The following DENND4C variants were observed in gnomAD, a reference collection of about 807,000 sequenced individuals.
The protein encoded by DENND4C is DENN domain-containing protein 4C.
DENND4C carries 108 observed loss-of-function variants against 203.0 expected under a neutral mutation model. The observed-to-expected ratio is 0.53, with a 90% CI of 0.46 to 0.62. The LOEUF (loss-of-function observed/expected upper bound fraction) is 0.62, where lower values mean the gene tolerates loss of function less well. DENND4C is among the 20% of genes least tolerant of loss of function. The probability of loss-of-function intolerance (pLI) is 0.00; values close to 1 mark genes in which losing one functional copy is unlikely to be tolerated. For synonymous variants in DENND4C, 871 were observed against 792.4 expected, an observed-to-expected ratio of 1.10 and a Z score of -1.67; for missense variants, 2,481 against 2,301.2, an observed-to-expected ratio of 1.08 and a Z score of -1.60.
At chr9:19,284,661 CAG>C (rs1165698221) in intron 2 of DENND4C, among the ~76,000 whole-genome samples, 3 of 151,908 alleles carry the variant, frequency 2.0e-5, no homozygotes, top group Admixed American at 2.0e-4. Context: ...AATGGTGTAT[CAG>C]AGTAATTTCA....
At chr9:19,306,497 A>G (rs1177681994) in intron 10 of DENND4C, among the ~76,000 whole-genome samples, 1 of 152,172 alleles carries the variant, frequency 6.6e-6, no homozygotes, top group African/African-American at 2.4e-5. Flanking sequence ...AGTTTTTTGT[A>G]GCACACATTT....
intron 12 of DENND4C, among the ~76,000 whole-genome samples, chr9:19,322,380 A>T (rs1489733332): frequency 2.6e-5 from 4 of 152,208 alleles, no homozygotes; most frequent in Non-Finnish European, 4.4e-5. Context: ...GAGTATTGAC[A>T]AAACAGTAAT....
chr9:19,278,415 T>C (rs1235371381), intron 2 of DENND4C, among the ~76,000 whole-genome samples: 1 of 152,008 alleles, frequency 6.6e-6, no homozygotes, highest in African/African-American at 2.4e-5. Context: ...AAGCGTGAGT[T>C]ACCACACCTG....
At chr9:19,232,781 C>T (rs1820899616) in intron 1 of DENND4C, among the ~76,000 whole-genome samples, 1 of 152,088 alleles carries the variant, frequency 6.6e-6, no homozygotes. Flanking sequence ...GAGCTACTTT[C>T]TATAAAGAAA....
At chr9:19,260,590 G>A (rs1462127907) in intron 1 of DENND4C, among the ~76,000 whole-genome samples, 1 of 152,026 alleles carries the variant, frequency 6.6e-6, no homozygotes, top group African/African-American at 2.4e-5. Flanking sequence ...TAGAGACGGG[G>A]TTTCATTATG....
chr9:19,372,214 T>C lies in DENND4C; in HGVS notation c.*41T>C. 6.4e-7 allele frequency: 1 copy of C among 1,573,774 alleles called. No homozygotes were observed. Among genetic ancestry groups the C allele is most frequent in the Non-Finnish European group, 8.6e-7 (1 of 1,161,614 alleles). On this transcript the variant is annotated 3_prime_UTR_variant, in exon 33 of 33. Transcript: ENST00000434457. ...AATGTTGACACACAAGGCTTGGGGA[T>C]TAGATTTCATCTGGAAACATTCAAG...
chr9:19,271,129 C>T (rs1202019442), intron 1 of DENND4C, among the ~76,000 whole-genome samples: 2 of 151,572 alleles, frequency 1.3e-5, no homozygotes, highest in Middle Eastern at 3.4e-3. Context: ...GACTCAATAA[C>T]CCTAATTATT....
chr9:19,353,785 A>T (rs1824730554), intron 26 of DENND4C, among the ~76,000 whole-genome samples: 1 of 151,800 alleles, frequency 6.6e-6, no homozygotes, highest in Admixed American at 6.6e-5. Context: ...AATACAAAAA[A>T]GGTTAGCCCG....
At chr9:19,319,541 A>T (rs1294039877) in intron 12 of DENND4C, among the ~76,000 whole-genome samples, 7 of 150,872 alleles carry the variant, frequency 4.6e-5, no homozygotes, top group Admixed American at 4.0e-4. Flanking sequence ...GACCAGAGTG[A>T]TGAGCTTTAG....
At chr9:19,254,940 C>G (rs1827565624) in intron 1 of DENND4C, among the ~76,000 whole-genome samples, 1 of 152,070 alleles carries the variant, frequency 6.6e-6, no homozygotes, top group South Asian at 2.1e-4. Flanking sequence ...CAGGACCAGC[C>G]TGGCCAATAT....
intron 13 of DENND4C, 38 bp downstream of exon 13, chr9:19,324,545 A>G (rs780128631): frequency 1.9e-6 from 3 of 1,579,680 alleles, no homozygotes; most frequent in Admixed American, 2.0e-5. Context: ...TAGAAAAAAA[A>G]GTTTGCCTTA....
chr9:19,356,841 G>C (rs1404418702), intron 26 of DENND4C, 131 bp from the exon 27 acceptor site: 1 of 806,446 alleles, frequency 1.2e-6, no homozygotes, highest in South Asian at 1.8e-5. Context: ...GAAATAGGCC[G>C]TGTTTTCCTT....
intron 16 of DENND4C, among the ~76,000 whole-genome samples, chr9:19,330,582 C>T (rs192732849): frequency 6.6e-6 from 1 of 151,852 alleles, no homozygotes; most frequent in Non-Finnish European, 1.5e-5. Flanking sequence ...TTGTGATCCA[C>T]CTGCCTCGGC....
At position 19,298,075 on chromosome 9, in the gene DENND4C, C is replaced by G; in HGVS notation, c.1060C>G (p.Gln354Glu). 1 of 1,608,958 alleles carries G rather than the reference C, an allele frequency of 6.2e-7. No individual in the cohort carries two copies. The highest frequency in any genetic ancestry group is 1.7e-4 in the Middle Eastern group (1 of 6,042). ...TTCTAGGCACATTTCACATTTTATG[C>G]AAAACATCCCTTTTCCTTCACCACA... ...PIEKHISHFM[Q>E]NIPFPSPQRP... The change falls in exon 7 of 33, where the codon CAA becomes GAA. Residue 354 changes from glutamine to glutamate, a missense_variant. Physicochemically the swap from Gln to Glu is conservative, Grantham distance 29 (BLOSUM62 2). Coordinates refer to ENST00000434457, the MANE Select transcript of DENND4C (RefSeq NM_001330640.2).
intron 9 of DENND4C, among the ~76,000 whole-genome samples, chr9:19,302,673 C>A (rs1838824843): frequency 6.6e-6 from 1 of 152,166 alleles, no homozygotes; most frequent in African/African-American, 2.4e-5. Flanking sequence ...GAAGTCCTTG[C>A]AGGGTCCTTT....
At chr9:19,277,081 G>A (rs1366694444) in intron 2 of DENND4C, among the ~76,000 whole-genome samples, 1 of 152,012 alleles carries the variant, frequency 6.6e-6, no homozygotes, top group Non-Finnish European at 1.5e-5. Context: ...TAAAAAGGAT[G>A]TGCTTTTAGA....
chr9:19,363,118 C>G (rs773618180), intron 30 of DENND4C, among the ~76,000 whole-genome samples: 2 of 152,164 alleles, frequency 1.3e-5, no homozygotes, highest in Non-Finnish European at 2.9e-5. Context: ...GATGGCTGCC[C>G]TCTTGCTGTA....
intron 1 of DENND4C, among the ~76,000 whole-genome samples, chr9:19,257,133 G>GA (rs1273537592): frequency 1.3e-5 from 2 of 150,784 alleles, no homozygotes; most frequent in Non-Finnish European, 3.0e-5. Context: ...TGAAGAAAAG[G>GA]AAAAAAAGGA....
intron 1 of DENND4C, among the ~76,000 whole-genome samples, chr9:19,257,687 T>A (rs979346094): frequency 6.6e-6 from 1 of 152,132 alleles, no homozygotes; most frequent in Non-Finnish European, 1.5e-5. Flanking sequence ...ATTACTGATA[T>A]CAGAATTAGA....
Sources: allele counts gnomAD v4.1 joint callset (sites outside exome capture counted in the v4.1 genomes callset), GRCh38; gene constraint gnomAD v4.1.1; transcripts MANE v1.5; gene names NCBI Gene and HGNC (gene_info 2026-07-23, HGNC 2026-07-21).